ZBTB20: variants seen among roughly 807,000 people sequenced by gnomAD.
The protein encoded by ZBTB20 is zinc finger and BTB domain-containing protein 20.
ZBTB20 carries 9 observed loss-of-function variants against 56.9 expected under a neutral mutation model. That is an observed-to-expected ratio of 0.16 (90% confidence interval 0.10 to 0.28). The LOEUF (loss-of-function observed/expected upper bound fraction) is 0.28, where lower values mean the gene tolerates loss of function less well. Among genes scored for constraint, ZBTB20 ranks in the 10% least tolerant of loss-of-function variants. The pLI is 1.00. For synonymous variants in ZBTB20, 417 were observed against 420.7 expected (o/e 0.99, Z 0.11); for missense variants, 655 against 1,003.0 (o/e 0.65, Z 4.69).
intron 2 of ZBTB20, among the ~76,000 whole-genome samples, chr3:115,015,550 A>T (rs983558705): frequency 6.6e-6 from 1 of 151,752 alleles, no homozygotes; most frequent in Non-Finnish European, 1.5e-5. Flanking sequence ...GCTCCCACTT[A>T]TAAGTGAGAA....
Position 114,351,210 on chromosome 3 carries a change from G to A in ZBTB20, c.868C>T (p.Arg290Cys). 6.2e-7 allele frequency: 1 copy of A among 1,602,156 alleles called. No individual in the cohort carries two copies. The change falls in exon 11 of 12, where the codon CGC becomes TGC. Residue 290 changes from arginine to cysteine, a missense_variant. Physicochemically the swap from Arg to Cys is radical, Grantham distance 180 (BLOSUM62 -3). Coordinates refer to ENST00000675478, the MANE Select transcript of ZBTB20 (RefSeq NM_001348800.3). ...HHMEDPSWITRIHERSQQMER... is the reference protein window; with the variant it reads ...HHMEDPSWITCIHERSQQMER... ...ATCTGCTGCGAGCGCTCATGGATGC[G>A]TGTGATCCAGCTGGGGTCTTCCATG...
intron 5 of ZBTB20, among the ~76,000 whole-genome samples, chr3:114,743,167 T>G (rs969462785): frequency 6.6e-6 from 1 of 152,172 alleles, no homozygotes; most frequent in South Asian, 2.1e-4. Context: ...AAGAAGACTA[T>G]GTTTATTACT....
At chr3:115,113,755 C>A (rs1271374389) in intron 1 of ZBTB20, among the ~76,000 whole-genome samples, 4 of 152,192 alleles carry the variant, frequency 2.6e-5, no homozygotes, top group African/African-American at 4.8e-5. Flanking sequence ...ACAGCCACAG[C>A]AAAATGTGGA....
intron 1 of ZBTB20, among the ~76,000 whole-genome samples, chr3:115,113,466 G>A (rs891731940): frequency 2.0e-5 from 3 of 152,196 alleles, no homozygotes; most frequent in Admixed American, 6.6e-5. Flanking sequence ...CCTGCCTCCT[G>A]CTTTTGGCAC....
At position 114,447,307 on chromosome 3, in the gene ZBTB20, C is replaced by T. The variant is rs115367802; in HGVS notation, c.-255+53045G>A. ...ACAACTGCATTACAGTATTAAGATGCTTTTGTAGAATTAAATGAAAGGAGA... is the reference window on the plus strand; with the variant it reads ...ACAACTGCATTACAGTATTAAGATGTTTTTGTAGAATTAAATGAAAGGAGA... On this transcript the variant is annotated intron_variant, in intron 7 of 11. Transcript: ENST00000675478. Among the ~76,000 whole-genome samples, 773 of 151,920 alleles carry T rather than the reference C, an allele frequency of 5.1e-3. 8 individuals are homozygous for T. Among genetic ancestry groups the T allele is most frequent in the African/African-American group, 0.017 (713 of 41,414 alleles).
chr3:114,830,200 C>A (rs889324226), intron 4 of ZBTB20, among the ~76,000 whole-genome samples: 1 of 152,000 alleles, frequency 6.6e-6, no homozygotes, highest in Middle Eastern at 3.4e-3. Flanking sequence ...CAGGTGTACT[C>A]TTTGCTTTAA....
intron 6 of ZBTB20, among the ~76,000 whole-genome samples, chr3:114,529,676 G>C (rs1005124426): frequency 1.3e-5 from 2 of 152,166 alleles, no homozygotes; most frequent in Non-Finnish European, 2.9e-5. Flanking sequence ...AAAAATTCTA[G>C]CTTTGTGTTT....
chr3:114,709,291 C>CCT (rs1031752776), intron 5 of ZBTB20, among the ~76,000 whole-genome samples: 1 of 152,078 alleles, frequency 6.6e-6, no homozygotes, highest in African/African-American at 2.4e-5. Flanking sequence ...AGACACCACC[C>CCT]CTCTCATGGT....
At chr3:114,673,558 C>G (rs73224539) in intron 6 of ZBTB20, among the ~76,000 whole-genome samples, 1 of 151,778 alleles carries the variant, frequency 6.6e-6, no homozygotes, top group Non-Finnish European at 1.5e-5. Context: ...ACTGTTATCA[C>G]GAAAAAGGGA....
At chr3:114,908,817 G>C (rs796730453) in intron 3 of ZBTB20, among the ~76,000 whole-genome samples, 5 of 151,858 alleles carry the variant, frequency 3.3e-5, no homozygotes, top group African/African-American at 1.2e-4. Flanking sequence ...TCTGAAGTGA[G>C]AATTTATCAT....
At position 114,328,924 on chromosome 3, in the gene ZBTB20, A is replaced by C. The variant is rs2079145384; in HGVS notation, c.*10081T>G. On this transcript the variant is annotated 3_prime_UTR_variant, in exon 12 of 12. Transcript: ENST00000675478. Reference sequence around the variant, plus strand: ...AGAGGGAAATAATGAAGTTGATATAATTTGGATATTATGTGATCATTAGAG... The same window carrying C: ...AGAGGGAAATAATGAAGTTGATATACTTTGGATATTATGTGATCATTAGAG... 2 of 152,226 alleles carry C rather than the reference A, an allele frequency of 1.3e-5. No individual in the cohort carries two copies. The highest frequency in any genetic ancestry group is 6.5e-5 in the Admixed American group (1 of 15,280). The allele number at this position is 152,226 out of a possible 1,614,324, so 9.4% of individuals were successfully genotyped here.
intron 6 of ZBTB20, among the ~76,000 whole-genome samples, chr3:114,568,430 T>G (rs1024714375): frequency 6.6e-6 from 1 of 152,200 alleles, no homozygotes; most frequent in Non-Finnish European, 1.5e-5. Context: ...CGCATAGCAT[T>G]TTAGAGCTAA....
chr3:114,460,911 G>C lies in ZBTB20; in HGVS notation c.-255+39441C>G, dbSNP rs1389910402. Among the ~76,000 whole-genome samples, 3 of 152,220 alleles carry C rather than the reference G, an allele frequency of 2.0e-5. No homozygotes were observed. In the South Asian group the frequency reaches 6.2e-4, roughly 32 times the overall value. On this transcript the variant is annotated intron_variant, in intron 7 of 11. Transcript: ENST00000675478. ...CCAGTCTTCAGAAAAATATTGACTA[G>C]GATAAGTCAAGGAGGGTCTTTTCTC...
intron 7 of ZBTB20, among the ~76,000 whole-genome samples, chr3:114,438,051 G>A (rs1030733112): frequency 1.3e-5 from 2 of 152,146 alleles, no homozygotes; most frequent in African/African-American, 2.4e-5. Flanking sequence ...AGACTGAAGC[G>A]AGGAACTGCC....
chr3:114,567,822 C>G (rs1214976583), intron 6 of ZBTB20, among the ~76,000 whole-genome samples: 1 of 152,220 alleles, frequency 6.6e-6, no homozygotes, highest in Admixed American at 6.5e-5. Flanking sequence ...TGGGAGGCAT[C>G]TGGAAACAAA....
At chr3:114,661,681 G>C (rs73857638) in intron 6 of ZBTB20, among the ~76,000 whole-genome samples, 1 of 151,936 alleles carries the variant, frequency 6.6e-6, no homozygotes, top group Non-Finnish European at 1.5e-5. Flanking sequence ...AGTTTACTCT[G>C]CCTGGCTTCC....
intron 6 of ZBTB20, chr3:114,658,303 T>TC (rs1454960126): frequency 6.6e-6 from 1 of 151,872 alleles, no homozygotes; most frequent in Non-Finnish European, 1.5e-5. Flanking sequence ...AATGGATAAC[T>TC]CTTATCTTCA....
At chr3:114,563,591 T>C (rs913084970) in intron 6 of ZBTB20, among the ~76,000 whole-genome samples, 1 of 152,172 alleles carries the variant, frequency 6.6e-6, no homozygotes, top group African/African-American at 2.4e-5. Flanking sequence ...ACTGCTATTG[T>C]TGTAAGATAA....
chr3:114,458,998 T>C lies in ZBTB20; in HGVS notation c.-255+41354A>G, dbSNP rs1376684422. ...CATAGTTTATTAGGCCTTTTTAGTG[T>C]ACATTTGTATGAATAAGTCATCAAA... On this transcript the variant is annotated intron_variant, in intron 7 of 11. Transcript: ENST00000675478. Among the ~76,000 whole-genome samples, 5 of 152,166 alleles carry C rather than the reference T, an allele frequency of 3.3e-5. No homozygotes were observed. In the East Asian group the frequency reaches 7.7e-4, roughly 23 times the overall value.
Sources: gnomAD v4.1 joint callset for allele counts (sites outside exome capture counted in the v4.1 genomes callset) on GRCh38, gnomAD v4.1.1 for gene constraint, MANE v1.5 for transcripts, NCBI Gene and HGNC (gene_info 2026-07-23, HGNC 2026-07-21) for gene names.